Variants in MIAT observed in about 807,000 individuals in gnomAD.
MIAT encodes the protein MI related novel mRNA.
chr22:26,647,476 G>T (rs1479947594), intron 2 of MIAT: 4 of 388,380 alleles, frequency 1.0e-5, no homozygotes, highest in Non-Finnish European at 1.8e-5. Context: ...ACTGAAATCA[G>T]CCCCAGAAGG....
At chr22:26,670,494 C>A (rs8775), downstream of MIAT, 13 of 395,002 alleles carry the variant, frequency 3.3e-5, no homozygotes, top group South Asian at 1.3e-4. Flanking sequence ...AGCTTCCTAG[C>A]AAGCTGTACC....
At chr22:26,652,199 G>A (rs1394336129) in intron 2 of MIAT, among the ~76,000 whole-genome samples, 4 of 151,892 alleles carry the variant, frequency 2.6e-5, no homozygotes, top group Admixed American at 6.6e-5. Flanking sequence ...TGGAGCCGGG[G>A]GTCGATCTCA....
At chr22:26,646,694 C>T in exon 1 of MIAT, 1 of 398,590 alleles carries the variant, frequency 2.5e-6, no homozygotes, top group South Asian at 1.3e-4. Flanking sequence ...ATAGCTATTG[C>T]ATTTATAGCA....
intron 2 of MIAT, among the ~76,000 whole-genome samples, chr22:26,647,714 A>G (rs1476431114): frequency 6.6e-6 from 1 of 152,082 alleles, no homozygotes; most frequent in Non-Finnish European, 1.5e-5. Flanking sequence ...TGATGAGGTC[A>G]GCTTTGCATT....
exon 3 of MIAT, chr22:26,663,334 C>T: frequency 2.5e-6 from 1 of 398,616 alleles, no homozygotes; most frequent in Non-Finnish European, 4.4e-6. Context: ...ATCTGTCCAC[C>T]CATGTGGTTC....
downstream of MIAT, chr22:26,673,260 C>T (rs1681211492): frequency 5.0e-6 from 2 of 398,710 alleles, no homozygotes; most frequent in Non-Finnish European, 8.8e-6. Context: ...CCCCCAGAGC[C>T]CGCCAGCCGC....
chr22:26,663,928 T>C (rs894703164), intron 3 of MIAT, among the ~76,000 whole-genome samples: 1 of 149,244 alleles, frequency 6.7e-6, no homozygotes, highest in Non-Finnish European at 1.5e-5. Flanking sequence ...AGGAAACCAC[T>C]GACCTGCTTT....
downstream of MIAT, chr22:26,670,602 TAAAAAAAAAAA>T (rs34401113): frequency 1.9e-5 from 6 of 310,530 alleles, no homozygotes; most frequent in East Asian, 8.2e-5. Context: ...CATTGCTCCT[TAAAAAAAAAAA>T]AAAAAAAAAA....
At chr22:26,671,513 C>T (rs1931046594), downstream of MIAT, 1 of 398,706 alleles carries the variant, frequency 2.5e-6, no homozygotes, top group African/African-American at 2.1e-5. Flanking sequence ...CCGAGCATGC[C>T]CTACTAACCA....
At chr22:26,656,524 G>T (rs1267327150) in intron 2 of MIAT, among the ~76,000 whole-genome samples, 1 of 151,578 alleles carries the variant, frequency 6.6e-6, no homozygotes, top group Non-Finnish European at 1.5e-5. Flanking sequence ...CACCATGTTG[G>T]CCAGGCTGGT....
At chr22:26,666,201 AGC>A in exon 4 of MIAT, 1 of 398,636 alleles carries the variant, frequency 2.5e-6, no homozygotes, top group Non-Finnish European at 4.4e-6. Context: ...TGATGAAGAC[AGC>A]ACAGTTGTTA....
At chr22:26,657,237 T>G in intron 2 of MIAT, 1 of 332,666 alleles carries the variant, frequency 3.0e-6, no homozygotes, top group Non-Finnish European at 5.4e-6. Flanking sequence ...GCGCCGCGGG[T>G]GGGGATGCGG....
At chr22:26,661,628 G>A (rs1261881828) in intron 2 of MIAT, among the ~76,000 whole-genome samples, 2 of 151,970 alleles carry the variant, frequency 1.3e-5, no homozygotes, top group East Asian at 3.9e-4. Flanking sequence ...TGAGCCCAGG[G>A]CCACGCAGCG....
chr22:26,662,641 T>A (rs1930714725), intron 2 of MIAT, among the ~76,000 whole-genome samples: 1 of 152,218 alleles, frequency 6.6e-6, no homozygotes, highest in Non-Finnish European at 1.5e-5. Context: ...GCGTGGCACA[T>A]TTTCATTATT....
rs184645325 is a variant in MIAT at position 26,648,040 on chromosome 22, C to T, written n.646+729C>T. The stretch of plus-strand genomic sequence containing the variant: ...TGTCCATACAGGAAAAAAGATGAGA[C>T]TCATCTCCTGTGGCTGAGAGGGGTG... On this transcript the variant is annotated intron_variant and non_coding_transcript_variant, in intron 2 of 5. Coordinates refer to ENST00000643270, the Ensembl canonical transcript of MIAT. 5.3e-5 allele frequency among the ~76,000 whole-genome samples: 8 copies of T among 152,254 alleles called. No homozygotes were observed. In the East Asian group the frequency reaches 1.5e-3, roughly 29 times the overall value.
At chr22:26,650,488 A>G (rs1186468378) in intron 2 of MIAT, 2 of 152,250 alleles carry the variant, frequency 1.3e-5, no homozygotes, top group East Asian at 3.8e-4. Flanking sequence ...TCCTGGTACC[A>G]ATACCTCCTA....
intron 2 of MIAT, among the ~76,000 whole-genome samples, chr22:26,648,935 G>C (rs1482305028): frequency 1.3e-5 from 2 of 151,142 alleles, no homozygotes; most frequent in Non-Finnish European, 3.0e-5. Context: ...GCGAGACAGA[G>C]AGAGAGAGAG....
intron 5 of MIAT, among the ~76,000 whole-genome samples, chr22:26,667,514 G>T (rs144881988): frequency 2.0e-5 from 3 of 152,060 alleles, no homozygotes. Flanking sequence ...GCCATCAAAG[G>T]CCTCTGAAAG....
chr22:26,659,844 T>TA (rs1482472100), intron 2 of MIAT, among the ~76,000 whole-genome samples: 1 of 139,578 alleles, frequency 7.2e-6, no homozygotes, highest in Non-Finnish European at 1.6e-5. Context: ...TTCTTTCTTT[T>TA]TTTTTTTTTT....
Sources: gnomAD v4.1 joint callset for allele counts (sites outside exome capture counted in the v4.1 genomes callset) on GRCh38, gnomAD v4.1.1 for gene constraint, MANE v1.5 for transcripts, NCBI Gene and HGNC (gene_info 2026-07-23, HGNC 2026-07-21) for gene names.